The following CGGBP1 variants were observed in gnomAD, a reference collection of about 807,000 sequenced individuals.
The protein encoded by CGGBP1 is CGG triplet repeat-binding protein 1.
A neutral mutation model predicts 11.4 loss-of-function variants in CGGBP1; 4 were observed. The observed-to-expected ratio is 0.35, with a 90% CI of 0.17 to 0.80. CGGBP1 has a LOEUF of 0.80. Among genes scored for constraint, CGGBP1 ranks in the 30% least tolerant of loss-of-function variants. The probability of loss-of-function intolerance (pLI) is 0.52; values close to 1 mark genes in which losing one functional copy is unlikely to be tolerated. For missense variants in CGGBP1, 135 were observed against 202.1 expected, an observed-to-expected ratio of 0.67 and a Z score of 2.01; for synonymous variants, 76 against 74.1, an observed-to-expected ratio of 1.03 and a Z score of -0.13.
At position 88,128,122 on chromosome 3, in the gene CGGBP1, C is replaced by T. The variant is rs148209543; in HGVS notation, c.-229+12848G>A. On this transcript the variant is annotated intron_variant, in intron 2 of 3. Transcript: ENST00000462901. The stretch of plus-strand genomic sequence containing the variant: ...CCTCTCTGAGACTCAGTTTTGCAAT[C>T]TATAAAGCTAGTATCATAATACCCA... Among the ~76,000 whole-genome samples, 813 of 152,142 alleles carry T rather than the reference C, an allele frequency of 5.3e-3. 5 individuals carry two copies. Among genetic ancestry groups the T allele is most frequent in the African/African-American group, 0.017 (698 of 41,524 alleles).
At chr3:88,143,382 T>C (rs895096232) in intron 1 of CGGBP1, 2 of 152,304 alleles carry the variant, frequency 1.3e-5, no homozygotes, top group African/African-American at 4.8e-5. Context: ...AGCTCATAAT[T>C]AAAATCTTTT....
chr3:88,088,160 T>C (rs773360982), intron 2 of CGGBP1, among the ~76,000 whole-genome samples: 2 of 152,336 alleles, frequency 1.3e-5, no homozygotes, highest in Admixed American at 6.5e-5. Flanking sequence ...TACAGATTTC[T>C]CAGTGAGACT....
chr3:88,075,123 A>G (rs1225624167), intron 2 of CGGBP1, among the ~76,000 whole-genome samples: 1 of 152,034 alleles, frequency 6.6e-6, no homozygotes, highest in Non-Finnish European at 1.5e-5. Context: ...TTATATTTCC[A>G]TCATATTAAA....
At chr3:88,135,784 T>C (rs1706744331) in intron 2 of CGGBP1, among the ~76,000 whole-genome samples, 1 of 152,120 alleles carries the variant, frequency 6.6e-6, no homozygotes, top group African/African-American at 2.4e-5. Flanking sequence ...ATCCTGCAGA[T>C]CTTTTAGTTT....
intron 2 of CGGBP1, among the ~76,000 whole-genome samples, chr3:88,080,157 G>A (rs562611126): frequency 6.6e-6 from 1 of 152,026 alleles, no homozygotes; most frequent in East Asian, 1.9e-4. Context: ...TGCATTGTTT[G>A]TCAGATGAGC....
intron 2 of CGGBP1, among the ~76,000 whole-genome samples, chr3:88,112,350 T>G (rs1705143473): frequency 6.6e-6 from 1 of 151,854 alleles, no homozygotes; most frequent in Admixed American, 6.6e-5. Flanking sequence ...AGATCTAAGA[T>G]TTAGAGGGAT....
chr3:88,143,002 G>T (rs1443070994), intron 1 of CGGBP1: 2 of 152,004 alleles, frequency 1.3e-5, no homozygotes, highest in African/African-American at 4.8e-5. Context: ...TCTAAAACAG[G>T]GATTAAAATA....
chr3:88,135,661 G>T (rs746178026), intron 2 of CGGBP1, among the ~76,000 whole-genome samples: 6 of 152,070 alleles, frequency 3.9e-5, no homozygotes, highest in Non-Finnish European at 8.8e-5. Flanking sequence ...TTTATTTGAA[G>T]TAATTGTAAA....
chr3:88,135,105 C>T, intron 2 of CGGBP1: 1 of 1,477,136 alleles, frequency 6.8e-7, no homozygotes, highest in Non-Finnish European at 8.9e-7. Context: ...AAATCTAATC[C>T]TTCAAAACAA....
At chr3:88,099,354 A>G (rs1704260438) in intron 2 of CGGBP1, among the ~76,000 whole-genome samples, 1 of 152,226 alleles carries the variant, frequency 6.6e-6, no homozygotes, top group Non-Finnish European at 1.5e-5. Context: ...AGAATATTCC[A>G]TGCTCATGGA....
chr3:88,127,668 G>C (rs1706201200), intron 2 of CGGBP1, among the ~76,000 whole-genome samples: 1 of 152,120 alleles, frequency 6.6e-6, no homozygotes, highest in African/African-American at 2.4e-5. Context: ...ATAGATTTAG[G>C]CTTCACTCGT....
chr3:88,064,951 ATCTAT>A (rs1707110861), intron 2 of CGGBP1, among the ~76,000 whole-genome samples: 1 of 152,186 alleles, frequency 6.6e-6, no homozygotes, highest in African/African-American at 2.4e-5. Flanking sequence ...CTATTTTCTG[ATCTAT>A]TCTGTGGTGA....
Position 88,055,360 on chromosome 3 carries a change from C to G in CGGBP1, c.*113G>C. The G allele has an allele frequency of 9.2e-7, 1 of 1,086,336 alleles. No individual in the cohort carries two copies. Among genetic ancestry groups the G allele is most frequent in the Admixed American group, 2.6e-5 (1 of 38,542 alleles). The allele number at this position is 1,086,336 out of a possible 1,614,324, so 67.3% of individuals were successfully genotyped here. ...CTGCAACTATATACACATTGCAAAA[C>G]TATTCTGCGTCACATGATTTTAAAT... On this transcript the variant is annotated 3_prime_UTR_variant, in exon 4 of 4. Transcript: ENST00000482016. This position sits in a 1 kb window ranked among gnomAD's most constrained non-coding sequence, Gnocchi z 4.2.
intron 2 of CGGBP1, among the ~76,000 whole-genome samples, chr3:88,081,303 T>C (rs1708063503): frequency 6.6e-6 from 1 of 152,196 alleles, no homozygotes; most frequent in African/African-American, 2.4e-5. Flanking sequence ...GTGGGGGTTT[T>C]CCACTGTAAT....
Position 88,053,301 on chromosome 3 carries a change from A to T in CGGBP1, c.*2172T>A, listed in dbSNP as rs1706468481. 1 of 152,196 alleles carries T rather than the reference A, an allele frequency of 6.6e-6. No individual in the cohort carries two copies. The highest frequency in any genetic ancestry group is 2.4e-5 in the African/African-American group (1 of 41,448). 9.4% of individuals were successfully genotyped at this position (152,196 alleles called of 1,614,324 possible). A position where few individuals can be genotyped will look rare whatever the true frequency, so the allele number is the denominator to read the frequency against. ...AACAAAAGTTCCATAATCAATGAAG[A>T]AACATTAATACCAAATCCCCACAAC... On this transcript the variant is annotated 3_prime_UTR_variant, in exon 4 of 4. Transcript: ENST00000482016.
intron 1 of CGGBP1, among the ~76,000 whole-genome samples, chr3:88,147,209 T>C (rs1184032768): frequency 1.3e-5 from 2 of 152,118 alleles, no homozygotes; most frequent in Admixed American, 1.3e-4. Flanking sequence ...ATACAGTATG[T>C]TTTTTGAGTA....
At chr3:88,108,258 T>C (rs764010604) in intron 2 of CGGBP1, among the ~76,000 whole-genome samples, 1 of 152,150 alleles carries the variant, frequency 6.6e-6, no homozygotes, top group Non-Finnish European at 1.5e-5. Flanking sequence ...CAGTTTTCCT[T>C]CCAGTCTAGA....
chr3:88,078,793 T>TG (rs1707940299), intron 2 of CGGBP1, among the ~76,000 whole-genome samples: 1 of 152,008 alleles, frequency 6.6e-6, no homozygotes, highest in Admixed American at 6.5e-5. Flanking sequence ...CTTAGGGAGA[T>TG]GGGGGATGGA....
intron 2 of CGGBP1, among the ~76,000 whole-genome samples, chr3:88,132,214 C>T (rs1324131702): frequency 1.3e-5 from 2 of 151,792 alleles, no homozygotes; most frequent in Non-Finnish European, 2.9e-5. Context: ...ATTAAAATTA[C>T]TTAAAATAAA....
Sources: allele counts gnomAD v4.1 joint callset (sites outside exome capture counted in the v4.1 genomes callset), GRCh38; gene constraint gnomAD v4.1.1; non-coding constraint Gnocchi (gnomAD v3.1); transcripts MANE v1.5; gene names NCBI Gene and HGNC (gene_info 2026-07-23, HGNC 2026-07-21).